The following APCDD1 variants were observed in gnomAD, a reference collection of about 807,000 sequenced individuals.
The protein encoded by APCDD1 is protein APCDD1.
In APCDD1, 15 loss-of-function variants were observed where a neutral mutation model predicts 38.1. The observed-to-expected ratio is 0.39, with a 90% CI of 0.26 to 0.61. The LOEUF (loss-of-function observed/expected upper bound fraction) is 0.61. Ranked by LOEUF, APCDD1 falls within the 20% of genes least tolerant of loss-of-function variation. The probability of loss-of-function intolerance (pLI) is 0.49; values close to 1 mark genes in which losing one functional copy is unlikely to be tolerated. For missense variants in APCDD1, 647 were observed against 696.2 expected (o/e 0.93, Z 0.79); for synonymous variants, 261 against 279.7 (o/e 0.93, Z 0.67).
chr18:10,475,803 G>GGGGC lies in APCDD1; in HGVS notation c.774+3744_774+3745insGCGG, dbSNP rs1555645223. ...CTCGCAAGATGGCTGAGGGGGGGGG[G>GGGGC]GGTCAGTGGAAGGCCGAGTGGCTCT... On this transcript the variant is annotated intron_variant, in intron 3 of 4. Transcript: ENST00000355285. This position sits in a 1 kb window ranked among gnomAD's most constrained non-coding sequence, Gnocchi z 4.0. 6.6e-6 allele frequency: 1 copy of GGGGC among 151,196 alleles called. No individual in the cohort carries two copies. Among genetic ancestry groups the GGGGC allele is most frequent in the African/African-American group, 2.4e-5 (1 of 40,954 alleles). 9.4% of individuals were successfully genotyped at this position (151,196 alleles called of 1,614,324 possible).
Position 10,485,811 on chromosome 18 carries a change from TCA to T in APCDD1, c.1096+31_1096+32del. ...AGGATTCCCATCTCAAGTCCCAGTATCACAGCCAATAAACAGCCCTGTGACAT... is the reference window on the plus strand; with the variant it reads ...AGGATTCCCATCTCAAGTCCCAGTATCAGCCAATAAACAGCCCTGTGACAT... On this transcript the variant is annotated intron_variant, in intron 4 of 4. Coordinates refer to ENST00000355285, the MANE Select transcript of APCDD1 (RefSeq NM_153000.5). This position sits in a 1 kb window ranked among gnomAD's most constrained non-coding sequence, Gnocchi z 5.8. 1.9e-6 allele frequency: 3 copies of T among 1,605,884 alleles called. No individual in the cohort carries two copies. Among genetic ancestry groups the T allele is most frequent in the Non-Finnish European group, 2.5e-6 (3 of 1,178,516 alleles).
At chr18:10,462,998 C>A (rs1263185099) in intron 1 of APCDD1, among the ~76,000 whole-genome samples, 3 of 152,076 alleles carry the variant, frequency 2.0e-5, no homozygotes, top group Non-Finnish European at 4.4e-5. Flanking sequence ...GGTGGCCCCC[C>A]CTTCACCTTT....
chr18:10,478,485 C>A (rs1220340706), intron 3 of APCDD1, among the ~76,000 whole-genome samples: 2 of 152,186 alleles, frequency 1.3e-5, no homozygotes, highest in East Asian at 3.9e-4. Context: ...GATCAAGGCA[C>A]CAGCATGGTG....
chr18:10,460,978 T>C (rs772523735), intron 1 of APCDD1, among the ~76,000 whole-genome samples: 9 of 152,210 alleles, frequency 5.9e-5, no homozygotes, highest in Non-Finnish European at 1.0e-4. Context: ...GGCATAAACC[T>C]CCATGTCAAT....
At chr18:10,458,260 G>A (rs1053646111) in intron 1 of APCDD1, among the ~76,000 whole-genome samples, 6 of 152,158 alleles carry the variant, frequency 3.9e-5, no homozygotes, top group Non-Finnish European at 8.8e-5. Context: ...TGTAGAATTC[G>A]TTGACTTTTC....
chr18:10,459,314 G>C (rs28427248), intron 1 of APCDD1, among the ~76,000 whole-genome samples: 1 of 97,488 alleles, frequency 1.0e-5, no homozygotes. Context: ...TCCCACAAGC[G>C]TGCACACACA....
chr18:10,485,913 T>G lies in APCDD1; in HGVS notation c.1096+130T>G. 9.8e-7 allele frequency: 1 copy of G among 1,018,786 alleles called. No homozygotes were observed. Among genetic ancestry groups the G allele is most frequent in the Non-Finnish European group, 1.5e-6 (1 of 677,428 alleles). 63.1% of individuals were successfully genotyped at this position (1,018,786 alleles called of 1,614,324 possible). Reference sequence around the variant, plus strand: ...CCAGGAAAGAAATTGGGGAGTCATTTCTGCCTCAGTCCTTCCCAACGCCCT... The same window carrying G: ...CCAGGAAAGAAATTGGGGAGTCATTGCTGCCTCAGTCCTTCCCAACGCCCT... On this transcript the variant is annotated intron_variant, in intron 4 of 4. Coordinates refer to ENST00000355285, the MANE Select transcript of APCDD1 (RefSeq NM_153000.5). This position sits in a 1 kb window ranked among gnomAD's most constrained non-coding sequence, Gnocchi z 5.8.
Position 10,455,029 on chromosome 18 carries a change from C to A in APCDD1, c.48C>A (p.Leu16=). The A allele has an allele frequency of 6.4e-7, 1 of 1,565,280 alleles. No individual in the cohort carries two copies. Among genetic ancestry groups the A allele is most frequent in the Admixed American group, 1.8e-5 (1 of 54,438 alleles). The part of the protein sequence containing the change: ...RLLLRYLFPA[L]LLHGLGEGSA... Reference sequence around the variant, plus strand: ...TGCTCAGATACCTGTTCCCGGCCCTCCTGCTTCACGGTGAGTTCCCGAGGG... The same window carrying A: ...TGCTCAGATACCTGTTCCCGGCCCTACTGCTTCACGGTGAGTTCCCGAGGG... Residue 16 remains leucine, a synonymous_variant, in exon 1 of 5, where the codon CTC becomes CTA. Transcript: ENST00000355285.
At position 10,471,571 on chromosome 18, in the gene APCDD1, A is replaced by G; in HGVS notation, c.284A>G (p.Tyr95Cys). 1.2e-6 allele frequency: 2 copies of G among 1,614,220 alleles called. No individual in the cohort carries two copies. The highest frequency in any genetic ancestry group is 1.7e-6 in the Non-Finnish European group (2 of 1,180,038). Residue 95 changes from tyrosine to cysteine, a missense_variant, in exon 3 of 5, where the codon TAC (tyrosine) becomes TGC (cysteine). Coordinates refer to ENST00000355285, the MANE Select transcript of APCDD1 (RefSeq NM_153000.5). This position sits in a 1 kb window ranked among gnomAD's most constrained non-coding sequence, Gnocchi z 5.5. ...GGCCCAGAGTTCATCACAAGGTCCT[A>G]CAGATTCTACCACAATAACACCTTC... ...RSGPEFITRSYRFYHNNTFKA... is the reference protein window; with the variant it reads ...RSGPEFITRSCRFYHNNTFKA...
At chr18:10,459,550 A>G (rs904192526) in intron 1 of APCDD1, among the ~76,000 whole-genome samples, 1 of 152,250 alleles carries the variant, frequency 6.6e-6, no homozygotes. Context: ...AAGAGAGACG[A>G]CTTTTAGATA....
chr18:10,487,266 G>A (rs2031267833), intron 4 of APCDD1, among the ~76,000 whole-genome samples: 1 of 152,178 alleles, frequency 6.6e-6, no homozygotes, highest in East Asian at 1.9e-4. Flanking sequence ...CTCCTTAGGA[G>A]CACTCCGAGC....
rs138263823 is a variant in APCDD1 at position 10,476,962 on chromosome 18, G to C, written c.774+4901G>C. On this transcript the variant is annotated intron_variant, in intron 3 of 4. Transcript: ENST00000355285. This position sits in a 1 kb window ranked among gnomAD's most constrained non-coding sequence, Gnocchi z 5.8. ...TGACCTGTGCAGCTTCCTGATGTCA[G>C]TGACACCATGGGGATGTTGAGTCAG... The C allele has an allele frequency of 7.9e-5, 12 of 152,400 alleles. No individual in the cohort carries two copies. Among genetic ancestry groups the C allele is most frequent in the African/African-American group, 2.4e-4 (10 of 41,584 alleles). 9.4% of individuals were successfully genotyped at this position (152,400 alleles called of 1,614,324 possible).
At position 10,473,925 on chromosome 18, in the gene APCDD1, AT is replaced by A. The variant is rs10691722; in HGVS notation, c.774+1883del. On this transcript the variant is annotated intron_variant, in intron 3 of 4. Coordinates refer to ENST00000355285, the MANE Select transcript of APCDD1 (RefSeq NM_153000.5). Reference sequence around the variant, plus strand: ...AGTATAGTCTAGCCACCTTTCTGGGATTTTTTTTTTTTTTTTTTTACGGAGT... The same window carrying A: ...AGTATAGTCTAGCCACCTTTCTGGGATTTTTTTTTTTTTTTTTTACGGAGT... Among the ~76,000 whole-genome samples the A allele has an allele frequency of 6.9e-3, 880 of 127,788 alleles. 2 individuals are homozygous for A. The highest frequency in any genetic ancestry group is 0.012 in the Middle Eastern group (3 of 258). 83.8% of individuals were successfully genotyped at this position (127,788 alleles called of 152,430 possible).
chr18:10,471,421 C>G lies in APCDD1; in HGVS notation c.243-109C>G. 2.8e-6 allele frequency: 4 copies of G among 1,413,286 alleles called. No individual in the cohort carries two copies. Among genetic ancestry groups the G allele is most frequent in the Non-Finnish European group, 3.9e-6 (4 of 1,023,976 alleles). The allele number at this position is 1,413,286 out of a possible 1,614,324, so 87.5% of individuals were successfully genotyped here. A position where few individuals can be genotyped will look rare whatever the true frequency, so the allele number is the denominator to read the frequency against. On this transcript the variant is annotated intron_variant, in intron 2 of 4. Coordinates refer to ENST00000355285, the MANE Select transcript of APCDD1 (RefSeq NM_153000.5). The surrounding 1 kb of genome is among the most constrained non-coding windows in gnomAD (Gnocchi z 5.5). Reference sequence around the variant, plus strand: ...TAAAGGGCTGACAACAGAGTCTGGCCCATCGTCAGCACTTTATTATTATTT... The same window carrying G: ...TAAAGGGCTGACAACAGAGTCTGGCGCATCGTCAGCACTTTATTATTATTT...
Position 10,454,922 on chromosome 18 carries a change from C to T in APCDD1, c.-60C>T, listed in dbSNP as rs745428289. ...GGAGGCGGAGGGCAGAGCGCGCGCC[C>T]AGTTGCCCGGGCACCAAATCGGAGC... On this transcript the variant is annotated 5_prime_UTR_variant, in exon 1 of 5. Transcript: ENST00000355285. 9.2e-5 allele frequency: 135 copies of T among 1,466,456 alleles called. No homozygotes were observed. Among genetic ancestry groups the T allele is most frequent in the Non-Finnish European group, 1.2e-4 (127 of 1,104,084 alleles). 90.8% of individuals were successfully genotyped at this position (1,466,456 alleles called of 1,614,324 possible).
rs1161142853 is a variant in APCDD1, at chr18:10,470,973, G to T, written c.243-557G>T. On this transcript the variant is annotated intron_variant, in intron 2 of 4. Coordinates refer to ENST00000355285, the MANE Select transcript of APCDD1 (RefSeq NM_153000.5). This position sits in a 1 kb window ranked among gnomAD's most constrained non-coding sequence, Gnocchi z 4.1. Reference sequence around the variant, plus strand: ...GAGAAAATTAATTCTGAATGGACAAGAAGATGCTAGATGACTAGATTCTGT... The same window carrying T: ...GAGAAAATTAATTCTGAATGGACAATAAGATGCTAGATGACTAGATTCTGT... Among the ~76,000 whole-genome samples, 1 of 152,236 alleles carries T rather than the reference G, an allele frequency of 6.6e-6. No homozygotes were observed. The highest frequency in any genetic ancestry group is 2.4e-5 in the African/African-American group (1 of 41,474).
At position 10,469,716 on chromosome 18, in the gene APCDD1, A is replaced by G. The variant is rs2030806413; in HGVS notation, c.242+1064A>G. On this transcript the variant is annotated intron_variant, in intron 2 of 4. Coordinates refer to ENST00000355285, the MANE Select transcript of APCDD1 (RefSeq NM_153000.5). The surrounding 1 kb of genome is among the most constrained non-coding windows in gnomAD (Gnocchi z 5.5). Reference sequence around the variant, plus strand: ...CAGGGCGGAGTTCAGAAAGCCTACCAAAGAAGGGGACCCTTGAGCTGAGAC... The same window carrying G: ...CAGGGCGGAGTTCAGAAAGCCTACCGAAGAAGGGGACCCTTGAGCTGAGAC... Among the ~76,000 whole-genome samples, 1 of 152,200 alleles carries G rather than the reference A, an allele frequency of 6.6e-6. No homozygotes were observed. The highest frequency in any genetic ancestry group is 1.5e-5 in the Non-Finnish European group (1 of 68,020).
chr18:10,486,080 G>A lies in APCDD1; in HGVS notation c.1096+297G>A, dbSNP rs147784597. Among the ~76,000 whole-genome samples the A allele has an allele frequency of 1.7e-4, 26 of 152,316 alleles. No individual in the cohort carries two copies. The East Asian group carries it at 3.1e-3, about 18-fold the overall frequency. ...GGGAATGAAATCTCTGGCCAGGTGC[G>A]GAGGCTCATGCCTGTAATCCCAACA... On this transcript the variant is annotated intron_variant, in intron 4 of 4. Coordinates refer to ENST00000355285, the MANE Select transcript of APCDD1 (RefSeq NM_153000.5).
chr18:10,483,032 T>C (rs1384168006), intron 3 of APCDD1, among the ~76,000 whole-genome samples: 2 of 152,238 alleles, frequency 1.3e-5, no homozygotes, highest in African/African-American at 4.8e-5. Context: ...ACCACCTTAA[T>C]CTGCTGTTCA....
Sources: gnomAD v4.1 joint callset for allele counts (sites outside exome capture counted in the v4.1 genomes callset) on GRCh38, gnomAD v4.1.1 for gene constraint, Gnocchi (gnomAD v3.1) non-coding constraint, MANE v1.5 for transcripts, NCBI Gene and HGNC (gene_info 2026-07-23, HGNC 2026-07-21) for gene names.